Variants in MYT1L observed in about 807,000 individuals in gnomAD.
MYT1L encodes the protein myelin transcription factor 1 like.
Under a neutral mutation model 126.7 loss-of-function variants are expected in MYT1L, and 12 were observed. That is an observed-to-expected ratio of 0.09 (90% CI 0.06 to 0.15). MYT1L has a LOEUF of 0.15. MYT1L is among the 10% of genes least tolerant of loss of function. MYT1L has a pLI of 1.00. For synonymous variants in MYT1L, 541 were observed against 604.2 expected (o/e 0.90, Z 1.53); for missense variants, 979 against 1,585.2 (o/e 0.62, Z 6.49).
chr2:2,256,165 G>A (rs2094806851), intron 2 of MYT1L, among the ~76,000 whole-genome samples: 1 of 152,242 alleles, frequency 6.6e-6, no homozygotes, highest in African/African-American at 2.4e-5. Context: ...GTAGATGTGA[G>A]CACAGTGTTC....
chr2:2,051,346 C>A (rs1231204313), intron 4 of MYT1L, among the ~76,000 whole-genome samples: 1 of 152,192 alleles, frequency 6.6e-6, no homozygotes, highest in Admixed American at 6.5e-5. Context: ...TTGGGGTGAT[C>A]TGCTCTTCAA....
chr2:2,307,122 C>T (rs183082461), intron 1 of MYT1L, among the ~76,000 whole-genome samples: 177 of 152,120 alleles, frequency 1.2e-3, no homozygotes, highest in Middle Eastern at 0.01. Context: ...CCAGTCCTCA[C>T]GGCAATATTT....
chr2:1,951,140 C>T (rs2057716301), intron 8 of MYT1L, among the ~76,000 whole-genome samples: 1 of 151,996 alleles, frequency 6.6e-6, no homozygotes, highest in South Asian at 2.1e-4. Flanking sequence ...TGCAGAAATA[C>T]CATACTTCTC....
intron 4 of MYT1L, among the ~76,000 whole-genome samples, chr2:2,018,267 T>A (rs1172887023): frequency 5.3e-5 from 8 of 152,194 alleles, no homozygotes; most frequent in Non-Finnish European, 1.2e-4. Context: ...TTGTCTGCCC[T>A]CAGACACTAA....
chr2:2,148,394 C>T (rs1206467724), intron 3 of MYT1L, among the ~76,000 whole-genome samples: 1 of 152,194 alleles, frequency 6.6e-6, no homozygotes, highest in Non-Finnish European at 1.5e-5. Context: ...GAATCTGATG[C>T]CACCTGCTGA....
At chr2:2,008,003 G>A (rs2063487837) in intron 4 of MYT1L, among the ~76,000 whole-genome samples, 2 of 152,186 alleles carry the variant, frequency 1.3e-5, no homozygotes, top group African/African-American at 2.4e-5. Context: ...CCTGCAGAGA[G>A]CATCTCTATA....
chr2:2,154,696 A>G (rs2086430898), intron 3 of MYT1L, among the ~76,000 whole-genome samples: 1 of 152,204 alleles, frequency 6.6e-6, no homozygotes, highest in Non-Finnish European at 1.5e-5. Flanking sequence ...GAGTGATAGG[A>G]GGGAGAGGAG....
rs1044824859 is a variant in MYT1L at position 1,848,285 on chromosome 2, C to T, written c.2774+3356G>A. 2.0e-5 allele frequency among the ~76,000 whole-genome samples: 1 copy of T among 50,918 alleles called. No individual in the cohort carries two copies. The highest frequency in any genetic ancestry group is 1.3e-4 in the African/African-American group (1 of 7,432). 33.4% of individuals were successfully genotyped at this position (50,918 alleles called of 152,430 possible). On this transcript the variant is annotated intron_variant, in intron 19 of 24. Coordinates refer to ENST00000647738, the MANE Select transcript of MYT1L (RefSeq NM_001303052.2). The surrounding 1 kb of genome is among the most constrained non-coding windows in gnomAD (Gnocchi z 4.8). ...AGGAGGGAGAATTCTACAGACACCA[C>T]GGAAGCGCGAGGCATTTGTCCTGGG... is the stretch of plus-strand genomic sequence containing the variant.
intron 18 of MYT1L, among the ~76,000 whole-genome samples, chr2:1,873,628 T>A (rs1042363912): frequency 6.6e-6 from 1 of 152,212 alleles, no homozygotes; most frequent in African/African-American, 2.4e-5. Context: ...CTGGCAGGCA[T>A]CAGGCACCAT....
chr2:2,107,427 C>A, intron 3 of MYT1L, among the ~76,000 whole-genome samples: 1 of 152,190 alleles, frequency 6.6e-6, no homozygotes, highest in East Asian at 1.9e-4. Context: ...TGTCAGAAAC[C>A]ACCTGCCTGT....
At chr2:1,908,780 G>C (rs1374164176) in intron 13 of MYT1L, among the ~76,000 whole-genome samples, 1 of 152,178 alleles carries the variant, frequency 6.6e-6, no homozygotes, top group African/African-American at 2.4e-5. Flanking sequence ...GAAGGTGGGT[G>C]CATTTCCCTG....
chr2:1,946,507 G>T (rs1238341741), intron 8 of MYT1L, among the ~76,000 whole-genome samples: 1 of 152,094 alleles, frequency 6.6e-6, no homozygotes, highest in Non-Finnish European at 1.5e-5. Context: ...CTTGCTGCGT[G>T]ACTCAGGGAG....
At chr2:1,809,720 AC>A (rs1006862089) in intron 21 of MYT1L, 1 of 152,548 alleles carries the variant, frequency 6.6e-6, no homozygotes, top group African/African-American at 2.4e-5. Flanking sequence ...TATCTCACTT[AC>A]AATTTTTAGC....
At chr2:1,989,131 A>G (rs1236750712) in intron 5 of MYT1L, among the ~76,000 whole-genome samples, 1 of 152,100 alleles carries the variant, frequency 6.6e-6, no homozygotes, top group Non-Finnish European at 1.5e-5. Flanking sequence ...ACAAAATCTA[A>G]AAAGTGCGTG....
At chr2:1,799,450 C>T (rs2034423617) in intron 23 of MYT1L, among the ~76,000 whole-genome samples, 1 of 152,198 alleles carries the variant, frequency 6.6e-6, no homozygotes, top group African/African-American at 2.4e-5. Flanking sequence ...AGTACTTCAT[C>T]CACAGCTGGC....
chr2:2,232,637 T>A (rs1013987906), intron 2 of MYT1L, among the ~76,000 whole-genome samples: 15 of 152,352 alleles, frequency 9.8e-5, no homozygotes, highest in Non-Finnish European at 2.1e-4. Flanking sequence ...AACTCATTCA[T>A]TTCTTCACAC....
rs1163973529 is a variant in MYT1L at position 1,834,944 on chromosome 2, C to A, written c.3080+4205G>T. On this transcript the variant is annotated intron_variant, in intron 21 of 24. Coordinates refer to ENST00000647738, the MANE Select transcript of MYT1L (RefSeq NM_001303052.2). ...GGGGATGGATACAGGTACTCCTCCA[C>A]ATAACACGGGGATGGATACAGGTAC... Among the ~76,000 whole-genome samples, 162 of 105,448 alleles carry A rather than the reference C, an allele frequency of 1.5e-3. 6 individuals carry two copies. Among genetic ancestry groups the A allele is most frequent in the African/African-American group, 9.3e-3 (152 of 16,366 alleles). 69.2% of individuals were successfully genotyped at this position (105,448 alleles called of 152,430 possible). A position where few individuals can be genotyped will look rare whatever the true frequency, so the allele number is the denominator to read the frequency against.
Position 1,856,397 on chromosome 2 carries a change from A to C in MYT1L, c.2712-4694T>G, listed in dbSNP as rs181556608. On this transcript the variant is annotated intron_variant, in intron 18 of 24. Coordinates refer to ENST00000647738, the MANE Select transcript of MYT1L (RefSeq NM_001303052.2). ...TCGGCTAACATAAAAGAAGAGCTCG[A>C]AATCTAGGCATTAGAATACATCATC... Among the ~76,000 whole-genome samples, 3 of 152,344 alleles carry C rather than the reference A, an allele frequency of 2.0e-5. No individual in the cohort carries two copies. In the East Asian group the frequency reaches 5.8e-4, roughly 29 times the overall value.
chr2:2,065,029 T>C (rs976568347), intron 3 of MYT1L, among the ~76,000 whole-genome samples: 1 of 151,874 alleles, frequency 6.6e-6, no homozygotes, highest in African/African-American at 2.4e-5. Flanking sequence ...GGAGAGGCCA[T>C]CTCTAGAAAA....
Sources: gnomAD v4.1 joint callset for allele counts (sites outside exome capture counted in the v4.1 genomes callset) on GRCh38, gnomAD v4.1.1 for gene constraint, Gnocchi (gnomAD v3.1) non-coding constraint, MANE v1.5 for transcripts, NCBI Gene and HGNC (gene_info 2026-07-23, HGNC 2026-07-21) for gene names.